Variants in FBN2 observed in about 807,000 individuals in gnomAD.
The protein encoded by FBN2 is fibrillin-2.
Under a neutral mutation model 355.6 loss-of-function variants are expected in FBN2, and 105 were observed. That is an observed-to-expected ratio of 0.30 (90% CI 0.25 to 0.35). The LOEUF is 0.35. FBN2 is among the 10% of genes least tolerant of loss of function. The pLI is 1.00. For synonymous variants in FBN2, 1,350 were observed against 1,301.2 expected, an observed-to-expected ratio of 1.04 and a Z score of -0.81; for missense variants, 3,280 against 3,758.7, an observed-to-expected ratio of 0.87 and a Z score of 3.33.
At chr5:128,362,411 A>G (rs1444638902) in intron 18 of FBN2, among the ~76,000 whole-genome samples, 31 of 152,236 alleles carry the variant, frequency 2.0e-4, no homozygotes, top group Admixed American at 2.0e-3. Flanking sequence ...AGCAGTCCAG[A>G]ACAGCCTAGA....
At chr5:128,308,281 T>G (rs1749938187) in intron 41 of FBN2, among the ~76,000 whole-genome samples, 1 of 152,176 alleles carries the variant, frequency 6.6e-6, no homozygotes. Flanking sequence ...ATCTTAAATT[T>G]GTAACTATGG....
chr5:128,328,800 T>C lies in FBN2; in HGVS notation c.4367A>G (p.Asn1456Ser). 1.2e-6 allele frequency: 2 copies of C among 1,614,156 alleles called. No individual in the cohort carries two copies. The highest frequency in any genetic ancestry group is 1.1e-5 in the South Asian group (1 of 91,084). The change falls in exon 34 of 65, where the codon AAC (asparagine) becomes AGC (serine). Residue 1456 changes from asparagine (N) to serine (S), a missense_variant. By Grantham distance (46) the Asn-to-Ser change is conservative. This residue lies in a region of FBN2 where 2,284 missense variants were observed against 2,749.5 expected (regional missense o/e 0.83). Coordinates refer to ENST00000262464, the MANE Select transcript of FBN2 (RefSeq NM_001999.4). ...TCSDVDECAE[N>S]INLCENGQCL... ...CTGTCCGTTCTCACAGAGGTTTATGTTTTCTGCACACTCATCAACATCTGT... is the reference window on the plus strand; with the variant it reads ...CTGTCCGTTCTCACAGAGGTTTATGCTTTCTGCACACTCATCAACATCTGT...
intron 37 of FBN2, among the ~76,000 whole-genome samples, chr5:128,312,311 A>G (rs1350869712): frequency 3.3e-5 from 5 of 152,236 alleles, no homozygotes; most frequent in African/African-American, 1.2e-4. Flanking sequence ...CAACACACCT[A>G]TGAAGCTGAA....
intron 7 of FBN2, among the ~76,000 whole-genome samples, chr5:128,438,123 C>T (rs1753823613): frequency 6.6e-6 from 1 of 152,184 alleles, no homozygotes; most frequent in South Asian, 2.1e-4. Flanking sequence ...TCCGGAGTAG[C>T]TGGGACCACA....
At chr5:128,355,541 A>G (rs32218) in intron 20 of FBN2, among the ~76,000 whole-genome samples, 33,070 of 152,098 alleles carry the variant, frequency 0.22, 4,601 homozygotes, top group East Asian at 0.78. Flanking sequence ...TAAATTAGTA[A>G]TCACATCATG....
chr5:128,470,852 A>AGTTAGAAG (rs1454018643), intron 5 of FBN2, among the ~76,000 whole-genome samples: 52 of 152,288 alleles, frequency 3.4e-4, no homozygotes, highest in Middle Eastern at 3.4e-3. Flanking sequence ...GCCCTGCATA[A>AGTTAGAAG]CTTAGAAGCT....
chr5:128,523,153 A>G (rs1381383238), intron 4 of FBN2, among the ~76,000 whole-genome samples: 2 of 152,238 alleles, frequency 1.3e-5, no homozygotes, highest in Admixed American at 6.5e-5. Flanking sequence ...ACACTTGGGC[A>G]TAAGTCAAGT....
At chr5:128,280,453 G>T in intron 55 of FBN2, 136 bp from the exon 56 acceptor site, 1 of 674,900 alleles carries the variant, frequency 1.5e-6, no homozygotes, top group South Asian at 1.7e-5. Context: ...ATGGTCATGT[G>T]TGAATATTAA....
chr5:128,529,003 A>C (rs780389617), intron 3 of FBN2, among the ~76,000 whole-genome samples: 2 of 152,240 alleles, frequency 1.3e-5, no homozygotes, highest in African/African-American at 2.4e-5. Context: ...TTACTTAAGC[A>C]CTGGGTGGAT....
intron 7 of FBN2, chr5:128,442,212 A>C: frequency 2.4e-6 from 1 of 421,310 alleles, no homozygotes; most frequent in Non-Finnish European, 4.7e-6. Flanking sequence ...CCACATAAAG[A>C]GCCATTTAAG....
In FBN2 at chr5:128,332,928, G is replaced by C. The variant is rs34201226; in HGVS notation, c.4206C>G (p.Asn1402Lys). The change falls in exon 32 of 65, where the codon AAC becomes AAG. Residue 1402 changes from asparagine (N) to lysine (K), a missense_variant. By Grantham distance (94) the Asn-to-Lys change is moderately conservative. Coordinates refer to ENST00000262464, the MANE Select transcript of FBN2 (RefSeq NM_001999.4). ...KCSCREGWIG[N>K]GIKCIDLDEC... Reference sequence around the variant, plus strand: ...CAAACTCACCAATACACTTGATGCCGTTTCCAATCCAGCCTTCTCTGCAGC... The same window carrying C: ...CAAACTCACCAATACACTTGATGCCCTTTCCAATCCAGCCTTCTCTGCAGC... 2 of 1,613,902 alleles carry C rather than the reference G, an allele frequency of 1.2e-6. No homozygotes were observed. The highest frequency in any genetic ancestry group is 1.7e-6 in the Non-Finnish European group (2 of 1,179,846).
At chr5:128,312,058 G>T in intron 37 of FBN2, 105 bp from the exon 38 acceptor site, 1 of 753,066 alleles carries the variant, frequency 1.3e-6, no homozygotes, top group African/African-American at 1.7e-5. Flanking sequence ...CATCCTAAGG[G>T]GTGTATCCAA....
At chr5:128,361,524 A>C (rs1751637396) in intron 19 of FBN2, among the ~76,000 whole-genome samples, 199 bp downstream of exon 19, 1 of 152,192 alleles carries the variant, frequency 6.6e-6, no homozygotes, top group Admixed American at 6.5e-5. Context: ...ATTTTGTCTG[A>C]GTGGAACAAA....
chr5:128,275,463 C>A (rs1303376998), intron 59 of FBN2, among the ~76,000 whole-genome samples: 1 of 148,900 alleles, frequency 6.7e-6, no homozygotes, highest in East Asian at 2.0e-4. Flanking sequence ...TTTTGATATG[C>A]CTTGGAAATA....
rs781069799 is a variant in FBN2 at position 128,259,493 on chromosome 5, C to T, written c.8701G>A (p.Glu2901Lys). Residue 2901 changes from glutamate (E) to lysine (K), a missense_variant, in exon 65 of 65, where the codon GAG (glutamate) becomes AAG (lysine). Glu to Lys is a moderately conservative substitution (Grantham distance 56, BLOSUM62 1). Transcript: ENST00000262464. ...ATCTGCAGCCTCATTCTGAGAGCCT[C>T]CCCAAGCTCCCCTAGGAGGTAGTCA... Reference protein sequence around the residue: ...EDDYLLGELGEALRMRLQIQL... With the variant: ...EDDYLLGELGKALRMRLQIQL... The T allele has an allele frequency of 1.1e-5, 17 of 1,613,388 alleles. No individual in the cohort carries two copies. Among genetic ancestry groups the T allele is most frequent in the Non-Finnish European group, 1.4e-5 (16 of 1,179,888 alleles).
intron 5 of FBN2, among the ~76,000 whole-genome samples, chr5:128,491,000 A>G (rs7725788): frequency 0.5 from 75,540 of 151,992 alleles, 22,033 homozygotes; most frequent in African/African-American, 0.82. Flanking sequence ...TTGACCCAAT[A>G]CTCAGAAAAG....
chr5:128,509,789 T>C (rs1196126612), intron 5 of FBN2, among the ~76,000 whole-genome samples: 3 of 152,196 alleles, frequency 2.0e-5, no homozygotes, highest in Non-Finnish European at 4.4e-5. Flanking sequence ...ATTTAGTCTA[T>C]AGTTAATTGT....
At chr5:128,295,032 C>A (rs1218118057) in intron 48 of FBN2, among the ~76,000 whole-genome samples, 2 of 151,248 alleles carry the variant, frequency 1.3e-5, no homozygotes, top group African/African-American at 4.9e-5. Context: ...AGGAAGGGAT[C>A]TAGTTTCAGC....
chr5:128,297,694 T>C (rs13178883), intron 48 of FBN2, among the ~76,000 whole-genome samples: 10,519 of 152,236 alleles, frequency 0.069, 500 homozygotes, highest in Non-Finnish European at 0.1. Flanking sequence ...GCTCGGTAGA[T>C]CTTCCTCCAT....
Sources: gnomAD v4.1 joint callset for allele counts (sites outside exome capture counted in the v4.1 genomes callset) on GRCh38, gnomAD v4.1.1 for gene constraint, gnomAD v4.1.1 regional missense constraint, MANE v1.5 for transcripts, NCBI Gene and HGNC (gene_info 2026-07-23, HGNC 2026-07-21) for gene names.